The following DOCK8 variants were observed in gnomAD, a reference collection of about 807,000 sequenced individuals.
DOCK8 encodes dedicator of cytokinesis protein 8.
In DOCK8, 141 loss-of-function variants were observed where a neutral mutation model predicts 245.6. The ratio of observed to expected loss-of-function variants is 0.57; its 90% CI spans 0.50 to 0.66. DOCK8 has a LOEUF of 0.66. Among genes scored for constraint, DOCK8 ranks in the 30% least tolerant of loss-of-function variants. The pLI is 0.00. For missense variants in DOCK8, 2,965 were observed against 2,603.4 expected (o/e 1.14, Z -3.02); for synonymous variants, 1,168 against 970.2 (o/e 1.20, Z -3.79).
rs1445091942 is a variant in DOCK8, at chr9:328,156, C to G, written c.1029C>G (p.Ile343Met). Residue 343 changes from isoleucine to methionine, a missense_variant, in exon 9 of 48, where the codon ATC becomes ATG. Transcript: ENST00000432829. ...CAGTCACCTACCCGTCCTCAGACATCTACCTGGTAGTCAAGGTAATTCAGT... is the reference window on the plus strand; with the variant it reads ...CAGTCACCTACCCGTCCTCAGACATGTACCTGGTAGTCAAGGTAATTCAGT... ...VFSVTYPSSD[I>M]YLVVKIEKVL... 1 of 1,613,920 alleles carries G rather than the reference C, an allele frequency of 6.2e-7. No homozygotes were observed.
At chr9:214,555 T>TC, upstream of DOCK8, 1 of 1,613,596 alleles carries the variant, frequency 6.2e-7, no homozygotes, top group Non-Finnish European at 8.5e-7. Context: ...TTTGTGGGGC[T>TC]CCCCCGACTT....
At chr9:412,095 C>CA (rs971689039) in intron 28 of DOCK8, among the ~76,000 whole-genome samples, 1 of 151,802 alleles carries the variant, frequency 6.6e-6, no homozygotes, top group African/African-American at 2.4e-5. Context: ...GGCAATTAGG[C>CA]AAAAAAATAA....
intron 39 of DOCK8, 145 bp downstream of exon 39, chr9:435,120 A>G: frequency 1.1e-6 from 1 of 921,358 alleles, no homozygotes; most frequent in Non-Finnish European, 1.7e-6. Flanking sequence ...CTGGCATCTG[A>G]CTGGTAGAAG....
In DOCK8 at chr9:377,033, C is replaced by A; in HGVS notation, c.2262C>A (p.Thr754=). 6.2e-7 allele frequency: 1 copy of A among 1,614,014 alleles called. No homozygotes were observed. Among genetic ancestry groups the A allele is most frequent in the Non-Finnish European group, 8.5e-7 (1 of 1,180,002 alleles). The change falls in exon 20 of 48, where the codon ACC becomes ACA. Residue 754 remains threonine (T), a synonymous_variant. Coordinates refer to ENST00000432829, the MANE Select transcript of DOCK8 (RefSeq NM_203447.4). ...TLCHSLESQV[T]FPIRVLDQKI... ...GCCACTCCCTGGAGAGCCAGGTGAC[C>A]TTCCCCATCCGCGTGCTGGATCAGA... is the stretch of plus-strand genomic sequence containing the variant.
intron 26 of DOCK8, among the ~76,000 whole-genome samples, chr9:400,318 ACC>A (rs2054826919): frequency 1.4e-5 from 1 of 71,730 alleles, no homozygotes; most frequent in Non-Finnish European, 2.5e-5. Flanking sequence ...CGTCACCACC[ACC>A]TCCACCACCA....
In DOCK8 at chr9:463,624, C is replaced by T; in HGVS notation, c.6176C>T (p.Pro2059Leu). ...NYNKLKENLR[P>L]MIERKIPELY... ...AACAAGCTAAAAGAGAACCTCAGGC[C>T]AATGATCGAGCGGAAAATTCCAGAA... is the stretch of plus-strand genomic sequence containing the variant. Residue 2059 changes from proline (P) to leucine (L), a missense_variant, in exon 47 of 48, where the codon CCA (proline) becomes CTA (leucine). By Grantham distance (98) the Pro-to-Leu change is moderately conservative. Coordinates refer to ENST00000432829, the MANE Select transcript of DOCK8 (RefSeq NM_203447.4). The T allele has an allele frequency of 1.9e-6, 3 of 1,613,768 alleles. No individual in the cohort carries two copies. Among genetic ancestry groups the T allele is most frequent in the Non-Finnish European group, 2.5e-6 (3 of 1,180,022 alleles).
At chr9:225,833 C>T (rs1342277905) in intron 1 of DOCK8, among the ~76,000 whole-genome samples, 2 of 151,992 alleles carry the variant, frequency 1.3e-5, no homozygotes, top group Non-Finnish European at 2.9e-5. Flanking sequence ...AGAGAAAAAC[C>T]TCTGAGCCAA....
At chr9:217,018 C>A (rs2046772094) in intron 1 of DOCK8, among the ~76,000 whole-genome samples, 1 of 152,072 alleles carries the variant, frequency 6.6e-6, no homozygotes, top group South Asian at 2.1e-4. Context: ...GATCATAGTA[C>A]CTACTTCTTA....
chr9:380,816 C>G (rs112606023), intron 21 of DOCK8: 5 of 139,382 alleles, frequency 3.6e-5, no homozygotes, highest in African/African-American at 1.4e-4. Flanking sequence ...ATGGCAGGAT[C>G]GCTTGGAGCA....
chr9:249,130 T>G (rs1470762812), intron 1 of DOCK8, among the ~76,000 whole-genome samples: 3 of 152,214 alleles, frequency 2.0e-5, no homozygotes, highest in African/African-American at 7.2e-5. Flanking sequence ...GAAAGATTGC[T>G]GGGGGGTTTC....
At chr9:424,387 T>C (rs2056402082) in intron 33 of DOCK8, among the ~76,000 whole-genome samples, 1 of 151,980 alleles carries the variant, frequency 6.6e-6, no homozygotes. Flanking sequence ...AAGGAATAGA[T>C]GGTAAGCTTT....
intron 28 of DOCK8, among the ~76,000 whole-genome samples, chr9:412,505 T>C (rs2055788408): frequency 6.6e-6 from 1 of 151,786 alleles, no homozygotes; most frequent in African/African-American, 2.4e-5. Context: ...ATCTTGTTTA[T>C]AGAAAACCAT....
At chr9:419,814 C>G (rs1302523744) in intron 30 of DOCK8, among the ~76,000 whole-genome samples, 2 of 152,160 alleles carry the variant, frequency 1.3e-5, no homozygotes, top group Non-Finnish European at 2.9e-5. Flanking sequence ...CACCCCAGCC[C>G]CAGGCAAACA....
rs1021504929 is a variant in DOCK8 at position 227,888 on chromosome 9, A to C, written c.53+12859A>C. ...ATAGGAGGGGGGATTTGGCCAACAC[A>C]TGGCAGACCGTTGTAGTATCAGAAA... On this transcript the variant is annotated intron_variant, in intron 1 of 47. Coordinates refer to ENST00000432829, the MANE Select transcript of DOCK8 (RefSeq NM_203447.4). 2.0e-5 allele frequency among the ~76,000 whole-genome samples: 3 copies of C among 152,278 alleles called. 1 individual carries two copies. The East Asian group carries it at 5.8e-4, about 29-fold the overall frequency.
In DOCK8 at chr9:215,006, C is replaced by G; in HGVS notation, c.30C>G (p.Arg10=). ...CCACTCTGCCGAGCGCAGAGCGCCG[C>G]GCGTTCGCGCTCAAGATCAACAGGT... is the stretch of plus-strand genomic sequence containing the variant. MATLPSAER[R]AFALKINRYS... Residue 10 remains arginine, a synonymous_variant, in exon 1 of 48, where the codon CGC becomes CGG. Coordinates refer to ENST00000432829, the MANE Select transcript of DOCK8 (RefSeq NM_203447.4). 6.3e-7 allele frequency: 1 copy of G among 1,593,840 alleles called. No individual in the cohort carries two copies. The highest frequency in any genetic ancestry group is 1.1e-5 in the South Asian group (1 of 89,244).
chr9:410,646 A>G (rs1462180853), intron 28 of DOCK8, among the ~76,000 whole-genome samples: 1 of 152,264 alleles, frequency 6.6e-6, no homozygotes, highest in Non-Finnish European at 1.5e-5. Context: ...CAAAATGTCA[A>G]AAGAATATAC....
chr9:339,026 T>A lies in DOCK8; in HGVS notation c.1443T>A (p.Asp481Glu), dbSNP rs1296770055. The A allele has an allele frequency of 6.2e-7, 1 of 1,614,132 alleles. No homozygotes were observed. Among genetic ancestry groups the A allele is most frequent in the Non-Finnish European group, 8.5e-7 (1 of 1,180,004 alleles). The change falls in exon 13 of 48, where the codon GAT (aspartate) becomes GAA (glutamate). Residue 481 changes from aspartate (D) to glutamate (E), a missense_variant. Physicochemically the swap from Asp to Glu is conservative, Grantham distance 45. Around this residue, in one of 3 missense-constraint regions of DOCK8, gnomAD observed 2,825 missense variants for 2,453.5 expected, o/e 1.15. Transcript: ENST00000432829. The part of the protein sequence containing the change: ...FFKQEGDRLS[D>E]EDLFKFLADY... The stretch of plus-strand genomic sequence containing the variant: ...GGCAGGAAGGAGATCGCCTTAGCGA[T>A]GAAGACTTATTCAAGTTTTTAGCTG...
intron 1 of DOCK8, among the ~76,000 whole-genome samples, chr9:221,792 A>C (rs987506562): frequency 3.3e-5 from 5 of 152,000 alleles, no homozygotes; most frequent in African/African-American, 1.2e-4. Context: ...ACTGCACTCC[A>C]GCCTGGGTGA....
chr9:390,042 C>T (rs1387031981), intron 23 of DOCK8, among the ~76,000 whole-genome samples: 1 of 151,236 alleles, frequency 6.6e-6, no homozygotes, highest in African/African-American at 2.4e-5. Flanking sequence ...AGTTTGAGAA[C>T]TGCTGCCACC....
Sources: allele counts gnomAD v4.1 joint callset (sites outside exome capture counted in the v4.1 genomes callset), GRCh38; gene constraint gnomAD v4.1.1; regional missense constraint gnomAD v4.1.1; transcripts MANE v1.5; gene names NCBI Gene and HGNC (gene_info 2026-07-23, HGNC 2026-07-21).